The following AGAP1 variants were observed in gnomAD, a reference collection of about 807,000 sequenced individuals.
The protein encoded by AGAP1 is ArfGAP with GTPase domain, ankyrin repeat and PH domain 1.
Under a neutral mutation model 105.3 loss-of-function variants are expected in AGAP1, and 29 were observed. The ratio of observed to expected loss-of-function variants is 0.28; its 90% confidence interval spans 0.21 to 0.38. The LOEUF (loss-of-function observed/expected upper bound fraction) is 0.38, where lower values mean the gene tolerates loss of function less well. AGAP1 is among the 10% of genes least tolerant of loss of function. AGAP1 has a pLI of 1.00. For synonymous variants in AGAP1, 509 were observed against 485.9 expected, an observed-to-expected ratio of 1.05 and a Z score of -0.63; for missense variants, 998 against 1,165.1, an observed-to-expected ratio of 0.86 and a Z score of 2.09.
chr2:235,632,356 A>G (rs1946856267), intron 1 of AGAP1, among the ~76,000 whole-genome samples: 2 of 152,310 alleles, frequency 1.3e-5, no homozygotes, highest in South Asian at 4.1e-4. Context: ...GCCTCAGAGT[A>G]GTGAGGGCAG....
rs1311922513 is a variant in AGAP1, at chr2:235,963,727, G to C, written c.1484-4735G>C. Among the ~76,000 whole-genome samples the C allele has an allele frequency of 6.6e-6, 1 of 152,138 alleles. No individual in the cohort carries two copies. Among genetic ancestry groups the C allele is most frequent in the African/African-American group, 2.4e-5 (1 of 41,408 alleles). ...CACCCTGTTCACCATCTTTTTCATTGATGTGGATGGATATATGGGAGTATA... is the reference window on the plus strand; with the variant it reads ...CACCCTGTTCACCATCTTTTTCATTCATGTGGATGGATATATGGGAGTATA... On this transcript the variant is annotated intron_variant, in intron 12 of 17. Coordinates refer to ENST00000304032, the MANE Select transcript of AGAP1 (RefSeq NM_001037131.3). The surrounding 1 kb of genome is among the most constrained non-coding windows in gnomAD (Gnocchi z 5.1).
At chr2:235,991,570 T>C (rs1257012526) in intron 13 of AGAP1, among the ~76,000 whole-genome samples, 2 of 152,234 alleles carry the variant, frequency 1.3e-5, no homozygotes, top group African/African-American at 4.8e-5. Context: ...AATGGTTTTT[T>C]AAATCATTTC....
rs2049808797 is a variant in AGAP1 at position 235,877,603 on chromosome 2, G to T, written c.1051-5742G>T. On this transcript the variant is annotated intron_variant, in intron 9 of 17. Coordinates refer to ENST00000304032, the MANE Select transcript of AGAP1 (RefSeq NM_001037131.3). The surrounding 1 kb of genome is among the most constrained non-coding windows in gnomAD (Gnocchi z 4.3). ...CGCTGTCCCCCTTAGCACCACTCAT[G>T]ACCTAGGAAGTCGGAGATGCCAACT... 6.6e-6 allele frequency among the ~76,000 whole-genome samples: 1 copy of T among 152,208 alleles called. No homozygotes were observed. The highest frequency in any genetic ancestry group is 1.5e-5 in the Non-Finnish European group (1 of 68,046).
intron 3 of AGAP1, among the ~76,000 whole-genome samples, chr2:235,727,062 T>C (rs1350172573): frequency 3.3e-5 from 5 of 152,166 alleles, no homozygotes; most frequent in African/African-American, 1.2e-4. Flanking sequence ...TTTTTGTCAA[T>C]AGCTACAGCA....
chr2:235,670,278 C>G, intron 1 of AGAP1: 2 of 445,240 alleles, frequency 4.5e-6, no homozygotes, highest in Non-Finnish European at 7.8e-6. Flanking sequence ...CCCCGGCCCG[C>G]GCGCTCCCCG....
At chr2:235,852,319 G>A (rs139294501) in intron 9 of AGAP1, among the ~76,000 whole-genome samples, 69 of 152,290 alleles carry the variant, frequency 4.5e-4, no homozygotes, top group Non-Finnish European at 9.0e-4. Context: ...TATTGTCTGC[G>A]TCTGCGTTTG....
chr2:236,049,146 G>A lies in AGAP1; in HGVS notation c.1979G>A (p.Arg660Gln). Residue 660 changes from arginine to glutamine, a missense_variant, in exon 16 of 18, where the codon CGA (arginine) becomes CAA (glutamine). By Grantham distance (43) the Arg-to-Gln change is conservative. Around this residue, in one of 3 missense-constraint regions of AGAP1, gnomAD observed 28 missense variants for 61.0 expected, o/e 0.46. Coordinates refer to ENST00000304032, the MANE Select transcript of AGAP1 (RefSeq NM_001037131.3). Reference protein sequence around the residue: ...IHRNLGTHLSRVRSLDLDDWP... With the variant: ...IHRNLGTHLSQVRSLDLDDWP... Reference sequence around the variant, plus strand: ...CGGAATCTTGGCACCCACCTTTCCCGAGTCCGATCTCTGGACCTGGATGAC... The same window carrying A: ...CGGAATCTTGGCACCCACCTTTCCCAAGTCCGATCTCTGGACCTGGATGAC... The A allele has an allele frequency of 1.2e-6, 2 of 1,614,210 alleles. No homozygotes were observed. The highest frequency in any genetic ancestry group is 1.7e-6 in the Non-Finnish European group (2 of 1,180,042).
intron 6 of AGAP1, among the ~76,000 whole-genome samples, chr2:235,770,657 C>A (rs1179327893): frequency 6.6e-6 from 1 of 152,132 alleles, no homozygotes; most frequent in East Asian, 1.9e-4. Context: ...TTAGAACACT[C>A]AGAATCATTT....
chr2:235,887,116 AAGATCGT>A lies in AGAP1; in HGVS notation c.1155+3671_1155+3677del, dbSNP rs1189856648. Among the ~76,000 whole-genome samples the A allele has an allele frequency of 6.6e-6, 1 of 152,178 alleles. No individual in the cohort carries two copies. Among genetic ancestry groups the A allele is most frequent in the Non-Finnish European group, 1.5e-5 (1 of 68,034 alleles). On this transcript the variant is annotated intron_variant, in intron 10 of 17. Coordinates refer to ENST00000304032, the MANE Select transcript of AGAP1 (RefSeq NM_001037131.3). This position sits in a 1 kb window ranked among gnomAD's most constrained non-coding sequence, Gnocchi z 4.1. ...GTTATCTCAGTCTGGAAAATTTCAA[AAGATCGT>A]AGAACCAGATGATCTCAGTTAAACA...
chr2:235,594,105 G>C (rs945642131), intron 1 of AGAP1, among the ~76,000 whole-genome samples: 1 of 152,058 alleles, frequency 6.6e-6, no homozygotes, highest in African/African-American at 2.4e-5. Flanking sequence ...GTTTTCAAGC[G>C]GTGTTAAGGA....
Position 236,092,586 on chromosome 2 carries a change from G to C in AGAP1, c.2115-27606G>C, listed in dbSNP as rs535992205. Among the ~76,000 whole-genome samples, 2 of 152,096 alleles carry C rather than the reference G, an allele frequency of 1.3e-5. No individual in the cohort carries two copies. The highest frequency in any genetic ancestry group is 3.9e-4 in the East Asian group (2 of 5,188). ...TTTTTGTATTTTTATTAGAGACGGGGTTTCACCGTGTTAGCCAGGATGGTC... is the reference window on the plus strand; with the variant it reads ...TTTTTGTATTTTTATTAGAGACGGGCTTTCACCGTGTTAGCCAGGATGGTC... On this transcript the variant is annotated intron_variant, in intron 16 of 17. Coordinates refer to ENST00000304032, the MANE Select transcript of AGAP1 (RefSeq NM_001037131.3). This position sits in a 1 kb window ranked among gnomAD's most constrained non-coding sequence, Gnocchi z 4.7.
At chr2:235,846,420 C>T (rs1331641717) in intron 9 of AGAP1, among the ~76,000 whole-genome samples, 1 of 151,888 alleles carries the variant, frequency 6.6e-6, no homozygotes, top group Non-Finnish European at 1.5e-5. Context: ...TCCACCTCCC[C>T]AGTTCAAGCG....
At chr2:235,932,855 G>A (rs1252791662) in intron 12 of AGAP1, among the ~76,000 whole-genome samples, 1 of 152,266 alleles carries the variant, frequency 6.6e-6, no homozygotes, top group Non-Finnish European at 1.5e-5. Flanking sequence ...CTCTTTCCAT[G>A]GAAGTGGGCT....
chr2:235,784,489 G>C (rs989777205), intron 6 of AGAP1, among the ~76,000 whole-genome samples: 1 of 151,376 alleles, frequency 6.6e-6, no homozygotes, highest in African/African-American at 2.4e-5. Context: ...ATCGGAGATG[G>C]CCTCAGGTAT....
intron 1 of AGAP1, among the ~76,000 whole-genome samples, chr2:235,706,293 C>G (rs1361609771): frequency 6.6e-6 from 1 of 152,162 alleles, no homozygotes; most frequent in Non-Finnish European, 1.5e-5. Flanking sequence ...GGCACAGTCT[C>G]GGCTCACTGC....
chr2:235,618,964 T>C (rs778484931), intron 1 of AGAP1, among the ~76,000 whole-genome samples: 12 of 152,022 alleles, frequency 7.9e-5, no homozygotes, highest in Non-Finnish European at 1.5e-4. Flanking sequence ...GAATGATCTT[T>C]TGGGTCAGAG....
At chr2:235,527,496 G>C (rs1438626125) in intron 1 of AGAP1, among the ~76,000 whole-genome samples, 2 of 152,120 alleles carry the variant, frequency 1.3e-5, no homozygotes, top group African/African-American at 4.8e-5. Flanking sequence ...ATAGCCTCCT[G>C]AATAGCTGGG....
chr2:236,079,573 CATACACACACACATAT>C (rs919513072), intron 16 of AGAP1, among the ~76,000 whole-genome samples: 1 of 150,410 alleles, frequency 6.6e-6, no homozygotes, highest in Admixed American at 6.6e-5. Context: ...CACACACATA[CATACACACACACATAT>C]ACATATACAT....
intron 12 of AGAP1, among the ~76,000 whole-genome samples, chr2:235,954,363 C>T (rs2053860589): frequency 6.6e-6 from 1 of 151,960 alleles, no homozygotes; most frequent in African/African-American, 2.4e-5. Context: ...GAGAGGCTGC[C>T]TCCTGTGCCA....
Sources: gnomAD v4.1 joint callset for allele counts (sites outside exome capture counted in the v4.1 genomes callset) on GRCh38, gnomAD v4.1.1 for gene constraint, gnomAD v4.1.1 regional missense constraint, Gnocchi (gnomAD v3.1) non-coding constraint, MANE v1.5 for transcripts, NCBI Gene and HGNC (gene_info 2026-07-23, HGNC 2026-07-21) for gene names.